The following PLCG2 variants were observed in gnomAD, a reference collection of about 807,000 sequenced individuals.
PLCG2 encodes phospholipase C gamma 2, also known as 1-phosphatidylinositol 4,5-bisphosphate phosphodiesterase gamma-2.
PLCG2 carries 69 observed loss-of-function variants against 175.6 expected under a neutral mutation model. That is an observed-to-expected ratio of 0.39 (90% CI 0.32 to 0.48). The LOEUF (loss-of-function observed/expected upper bound fraction) is 0.48, where lower values mean the gene tolerates loss of function less well. PLCG2 is among the 20% of genes least tolerant of loss of function. The pLI is 0.91. For synonymous variants in PLCG2, 827 were observed against 624.0 expected, an observed-to-expected ratio of 1.33 and a Z score of -4.85; for missense variants, 1,798 against 1,650.9, an observed-to-expected ratio of 1.09 and a Z score of -1.54.
chr16:81,908,528 A>G lies in PLCG2; in HGVS notation c.1670A>G (p.Lys557Arg), dbSNP rs749154214. ...LQEYCMETGG[K>R]DGTFLVRESE... ...GAATACTGCATGGAGACGGGGGGCAAGGATGGCACCTTCCTGGTTCGGGAG... is the reference window on the plus strand; with the variant it reads ...GAATACTGCATGGAGACGGGGGGCAGGGATGGCACCTTCCTGGTTCGGGAG... Residue 557 changes from lysine to arginine, a missense_variant, in exon 17 of 33, where the codon AAG becomes AGG. Physicochemically the swap from Lys to Arg is conservative, Grantham distance 26. Coordinates refer to ENST00000564138, the MANE Select transcript of PLCG2 (RefSeq NM_002661.5). The G allele has an allele frequency of 7.4e-6, 12 of 1,613,800 alleles. 1 individual carries two copies. The South Asian group carries it at 1.3e-4, about 18-fold the overall frequency.
chr16:81,765,909 C>T (rs76430444), intron 2 of PLCG2, among the ~76,000 whole-genome samples: 2,716 of 152,294 alleles, frequency 0.018, 36 homozygotes, highest in Middle Eastern at 0.034. Flanking sequence ...CCCTGGGGGC[C>T]CCCACAGGGA....
At chr16:81,782,954 A>G (rs557341790) in intron 1 of PLCG2, among the ~76,000 whole-genome samples, 3 of 152,312 alleles carry the variant, frequency 2.0e-5, no homozygotes, top group African/African-American at 7.2e-5. Flanking sequence ...GTGAGCAGCT[A>G]TTACAAAGCA....
chr16:81,875,525 G>A lies in PLCG2; in HGVS notation c.648+4590G>A, dbSNP rs141685932. Among the ~76,000 whole-genome samples, 234 of 152,240 alleles carry A rather than the reference G, an allele frequency of 1.5e-3. 1 individual carries two copies. Among genetic ancestry groups the A allele is most frequent in the African/African-American group, 5.4e-3 (225 of 41,556 alleles). Reference sequence around the variant, plus strand: ...AGCATATAGAAGTAGAGAGAATAGCGTAACAGACCCCCATGTATCATCAGC... The same window carrying A: ...AGCATATAGAAGTAGAGAGAATAGCATAACAGACCCCCATGTATCATCAGC... On this transcript the variant is annotated intron_variant, in intron 7 of 32. Transcript: ENST00000564138.
At position 81,893,908 on chromosome 16, in the gene PLCG2, T is replaced by C. The variant is rs77153917; in HGVS notation, c.1072+114T>C. 4,460 of 634,638 alleles carry C rather than the reference T, an allele frequency of 7.0e-3. 164 individuals are homozygous for C. In the African/African-American group the frequency reaches 0.077, roughly 11 times the overall value. 39.3% of individuals were successfully genotyped at this position (634,638 alleles called of 1,614,324 possible). A position where few individuals can be genotyped will look rare whatever the true frequency, so the allele number is the denominator to read the frequency against. ...AAGGTTTTAATGGACACATAATAAC[T>C]GTGCATATTTATGGAGTTAGAGTGT... is the stretch of plus-strand genomic sequence containing the variant. On this transcript the variant is annotated intron_variant, in intron 12 of 32. Coordinates refer to ENST00000564138, the MANE Select transcript of PLCG2 (RefSeq NM_002661.5).
chr16:81,786,775 T>C (rs1217386072), intron 2 of PLCG2, among the ~76,000 whole-genome samples: 1 of 152,176 alleles, frequency 6.6e-6, no homozygotes, highest in Admixed American at 6.5e-5. Flanking sequence ...ACAAATAGAG[T>C]AAAGGCACTT....
intron 2 of PLCG2, among the ~76,000 whole-genome samples, chr16:81,799,805 G>A (rs1290173666): frequency 6.6e-6 from 1 of 151,782 alleles, no homozygotes; most frequent in African/African-American, 2.4e-5. Context: ...GTGTTAGCCA[G>A]GATGGTCTCG....
intron 2 of PLCG2, among the ~76,000 whole-genome samples, chr16:81,827,256 C>T (rs566041849): frequency 9.3e-5 from 14 of 150,984 alleles, no homozygotes; most frequent in African/African-American, 2.2e-4. Flanking sequence ...GTGCCACTAT[C>T]GCTCACTGCA....
intron 2 of PLCG2, among the ~76,000 whole-genome samples, chr16:81,806,825 C>G (rs867169162): frequency 6.6e-6 from 1 of 151,676 alleles, no homozygotes; most frequent in Non-Finnish European, 1.5e-5. Flanking sequence ...ATGGCCAGGA[C>G]AAAGCCTTCG....
chr16:81,818,171 G>C (rs1260609311), intron 2 of PLCG2, among the ~76,000 whole-genome samples: 2 of 152,184 alleles, frequency 1.3e-5, no homozygotes, highest in African/African-American at 2.4e-5. Flanking sequence ...ACTCCCGTTA[G>C]GATTGCTTCG....
At chr16:81,804,592 A>G (rs984288632) in intron 2 of PLCG2, among the ~76,000 whole-genome samples, 4 of 152,152 alleles carry the variant, frequency 2.6e-5, no homozygotes, top group African/African-American at 9.7e-5. Context: ...GAAGTTAGTA[A>G]CCTGTCTTAG....
At chr16:81,944,551 G>T (rs1261949092) in intron 30 of PLCG2, among the ~76,000 whole-genome samples, 1 of 152,122 alleles carries the variant, frequency 6.6e-6, no homozygotes, top group African/African-American at 2.4e-5. Flanking sequence ...GGCAGCCTCA[G>T]ACTCCTGGGC....
chr16:81,960,113 T>A lies in PLCG2; in HGVS notation c.*2115T>A, dbSNP rs534541882. 1 of 219,822 alleles carries A rather than the reference T, an allele frequency of 4.5e-6. No homozygotes were observed. The highest frequency in any genetic ancestry group is 2.2e-5 in the African/African-American group (1 of 44,666). 13.6% of individuals were successfully genotyped at this position (219,822 alleles called of 1,614,324 possible). ...CCCTCTGCCTAAAACTGTCTCCTTCTCCTGGTGCTACAACCGGAATCCACC... is the reference window on the plus strand; with the variant it reads ...CCCTCTGCCTAAAACTGTCTCCTTCACCTGGTGCTACAACCGGAATCCACC... On this transcript the variant is annotated 3_prime_UTR_variant, in exon 33 of 33. Coordinates refer to ENST00000564138, the MANE Select transcript of PLCG2 (RefSeq NM_002661.5).
chr16:81,846,006 C>T (rs1472218427), intron 2 of PLCG2, among the ~76,000 whole-genome samples: 1 of 152,200 alleles, frequency 6.6e-6, no homozygotes, highest in Non-Finnish European at 1.5e-5. Context: ...GTACCTGCCT[C>T]ATAGTGTTCT....
intron 1 of PLCG2, among the ~76,000 whole-genome samples, chr16:81,783,517 G>C (rs1004188601): frequency 2.6e-5 from 4 of 152,210 alleles, no homozygotes; most frequent in African/African-American, 9.6e-5. Flanking sequence ...TGCTGCCACA[G>C]GATTCTGGAC....
intron 1 of PLCG2, among the ~76,000 whole-genome samples, chr16:81,744,314 G>A (rs1299285215): frequency 3.3e-5 from 5 of 151,762 alleles, no homozygotes; most frequent in Non-Finnish European, 5.9e-5. Context: ...ACAGGTGCCC[G>A]CCACCAAGCC....
chr16:81,772,908 C>T (rs1421622911), intron 2 of PLCG2, among the ~76,000 whole-genome samples: 2 of 152,206 alleles, frequency 1.3e-5, no homozygotes, highest in Admixed American at 6.5e-5. Context: ...TTGCTCTGTG[C>T]CAGCTGCCTG....
chr16:81,785,764 A>C (rs537272832), intron 1 of PLCG2, 179 bp from the exon 2 acceptor site: 127 of 485,212 alleles, frequency 2.6e-4, no homozygotes, highest in Admixed American at 1.6e-3. Context: ...GTTTCCATTT[A>C]AACCTTTGTG....
chr16:81,773,237 G>T (rs1433399705), intron 2 of PLCG2, among the ~76,000 whole-genome samples: 1 of 152,192 alleles, frequency 6.6e-6, no homozygotes, highest in Non-Finnish European at 1.5e-5. Flanking sequence ...AGGAGTGGCA[G>T]ATGTGGAAAT....
rs148644704 is a variant in PLCG2 at position 81,913,513 on chromosome 16, G to A, written c.2054+797G>A. On this transcript the variant is annotated intron_variant, in intron 19 of 32. Coordinates refer to ENST00000564138, the MANE Select transcript of PLCG2 (RefSeq NM_002661.5). ...TTGAGGTTCAGATGCAGGCCTGTCC[G>A]TCTCCAAAGCCTAAGCTCTTCACTC... Among the ~76,000 whole-genome samples the A allele has an allele frequency of 1.1e-3, 167 of 152,340 alleles. 2 individuals carry two copies. Among genetic ancestry groups the A allele is most frequent in the Middle Eastern group, 3.4e-3 (1 of 294 alleles).
Sources: gnomAD v4.1 joint callset for allele counts (sites outside exome capture counted in the v4.1 genomes callset) on GRCh38, gnomAD v4.1.1 for gene constraint, MANE v1.5 for transcripts, NCBI Gene and HGNC (gene_info 2026-07-23, HGNC 2026-07-21) for gene names.